The following MYO18B variants were observed in gnomAD, a reference collection of about 807,000 sequenced individuals.
MYO18B encodes myosin XVIIIB.
A neutral mutation model predicts 273.0 loss-of-function variants in MYO18B; 204 were observed. The ratio of observed to expected loss-of-function variants is 0.75; its 90% CI spans 0.67 to 0.84. The LOEUF (loss-of-function observed/expected upper bound fraction) is 0.84. Ranked by LOEUF, MYO18B falls within the 40% of genes least tolerant of loss-of-function variation. The pLI, the probability that MYO18B is intolerant of heterozygous loss-of-function variation, is 0.00. For synonymous variants in MYO18B, 1,330 were observed against 1,305.7 expected, an observed-to-expected ratio of 1.02 and a Z score of -0.40; for missense variants, 3,212 against 3,287.6, an observed-to-expected ratio of 0.98 and a Z score of 0.56.
At chr22:26,052,188 C>G in the MYO18B span, among the ~76,000 whole-genome samples, 1 of 152,124 alleles carries the variant, frequency 6.6e-6, no homozygotes, top group Non-Finnish European at 1.5e-5. Flanking sequence ...CTAAACCTCC[C>G]CAGTGTCTGT....
At chr22:25,926,758 G>C (rs1414352659) in intron 34 of MYO18B, among the ~76,000 whole-genome samples, 2 of 152,180 alleles carry the variant, frequency 1.3e-5, no homozygotes, top group African/African-American at 2.4e-5. Context: ...CCCTTAAGGG[G>C]CTCCTAGTCC....
chr22:25,780,932 C>A (rs774414800), intron 9 of MYO18B, among the ~76,000 whole-genome samples: 1 of 152,204 alleles, frequency 6.6e-6, no homozygotes, highest in Non-Finnish European at 1.5e-5. Flanking sequence ...ATCACCCATA[C>A]TCCTCCCCGT....
intron 39 of MYO18B, among the ~76,000 whole-genome samples, chr22:25,966,297 C>A (rs1326638108): frequency 6.6e-6 from 1 of 152,056 alleles, no homozygotes; most frequent in Non-Finnish European, 1.5e-5. Flanking sequence ...TTTCCACTCC[C>A]AAACCCCATG....
chr22:25,862,753 T>C (rs906621336), intron 21 of MYO18B, among the ~76,000 whole-genome samples: 3 of 152,116 alleles, frequency 2.0e-5, no homozygotes, highest in African/African-American at 7.2e-5. Flanking sequence ...GCTTTCAAGA[T>C]TTTCAATAGT....
intron 18 of MYO18B, among the ~76,000 whole-genome samples, chr22:25,844,131 T>C (rs2090166169): frequency 6.6e-6 from 1 of 152,186 alleles, no homozygotes; most frequent in Non-Finnish European, 1.5e-5. Flanking sequence ...GAACAAAAGC[T>C]AAAAAGCTGT....
At chr22:25,791,394 G>A (rs1406518755) in intron 11 of MYO18B, among the ~76,000 whole-genome samples, 2 of 152,076 alleles carry the variant, frequency 1.3e-5, no homozygotes, top group African/African-American at 4.8e-5. Flanking sequence ...GAGATCCCCA[G>A]TGTGGCGCTG....
At chr22:25,813,549 C>T (rs1228380754) in intron 12 of MYO18B, among the ~76,000 whole-genome samples, 1 of 152,162 alleles carries the variant, frequency 6.6e-6, no homozygotes, top group Non-Finnish European at 1.5e-5. Context: ...GGCAGAGACC[C>T]TTGAACTGAA....
In MYO18B at chr22:25,890,894, C is replaced by G. The variant is rs201514817; in HGVS notation, c.4434+19C>G. On this transcript the variant is annotated intron_variant, in intron 26 of 43. Transcript: ENST00000335473. The stretch of plus-strand genomic sequence containing the variant: ...GCTCAAGGTGAGTGGTCAGGGGTGG[C>G]CAGGGGTGGCTGAACACGGTGGCTA... The G allele has an allele frequency of 6.7e-7, 1 of 1,499,278 alleles. No homozygotes were observed. Among genetic ancestry groups the G allele is most frequent in the Non-Finnish European group, 9.2e-7 (1 of 1,090,932 alleles). The allele number at this position is 1,499,278 out of a possible 1,614,324, so 92.9% of individuals were successfully genotyped here. A position where few individuals can be genotyped will look rare whatever the true frequency, so the allele number is the denominator to read the frequency against.
At chr22:25,930,750 A>G (rs1482395978) in intron 34 of MYO18B, among the ~76,000 whole-genome samples, 2 of 152,100 alleles carry the variant, frequency 1.3e-5, no homozygotes, top group East Asian at 1.9e-4. Context: ...CAGGGACTAC[A>G]GGCCACATCT....
chr22:26,027,390 C>A lies in MYO18B; in HGVS notation c.7416C>A (p.Ser2472Arg). ...KGGQDGSQRS[S>R]IHFETEEANR... is the part of the protein sequence containing the mutation. ...GGCAAGACGGTTCACAGCGTTCAAG[C>A]ATCCACTTTGAAACGGAAGAGGCTA... is the stretch of plus-strand genomic sequence containing the variant. The change falls in exon 43 of 44, where the codon AGC becomes AGA. Residue 2472 changes from serine (S) to arginine (R), a missense_variant. Physicochemically the swap from Ser to Arg is moderately radical, Grantham distance 110. Transcript: ENST00000335473. This position sits in a 1 kb window ranked among gnomAD's most constrained non-coding sequence, Gnocchi z 4.1. The A allele has an allele frequency of 6.2e-7, 1 of 1,613,998 alleles. No individual in the cohort carries two copies. The highest frequency in any genetic ancestry group is 8.5e-7 in the Non-Finnish European group (1 of 1,179,882).
At chr22:25,983,073 AAAT>A (rs770669568) in intron 39 of MYO18B, among the ~76,000 whole-genome samples, 1 of 152,338 alleles carries the variant, frequency 6.6e-6, no homozygotes, top group East Asian at 1.9e-4. Flanking sequence ...GCAGCCTTGA[AAAT>A]AATAATTCTG....
chr22:25,815,052 G>A (rs1304442559), intron 12 of MYO18B, among the ~76,000 whole-genome samples: 1 of 152,190 alleles, frequency 6.6e-6, no homozygotes, highest in African/African-American at 2.4e-5. Context: ...ATGCCTTTTT[G>A]TATGGTTGTT....
chr22:25,944,728 TC>T (rs2092684388), intron 34 of MYO18B, among the ~76,000 whole-genome samples: 1 of 151,478 alleles, frequency 6.6e-6, no homozygotes, highest in South Asian at 2.1e-4. Flanking sequence ...GCGCCTGTAG[TC>T]CCAGCTACTC....
At chr22:25,910,745 C>T (rs190758562) in intron 32 of MYO18B, among the ~76,000 whole-genome samples, 3 of 152,242 alleles carry the variant, frequency 2.0e-5, no homozygotes, top group African/African-American at 4.8e-5. Context: ...ATTGACCAGC[C>T]CTCCCTACTG....
At chr22:25,848,348 A>T (rs1180582481) in intron 20 of MYO18B, among the ~76,000 whole-genome samples, 1 of 152,164 alleles carries the variant, frequency 6.6e-6, no homozygotes, top group Non-Finnish European at 1.5e-5. Context: ...GCTCACAGTG[A>T]TGTAATACCA....
chr22:25,888,401 A>G (rs577544990), intron 25 of MYO18B, among the ~76,000 whole-genome samples: 4 of 152,284 alleles, frequency 2.6e-5, no homozygotes, highest in African/African-American at 9.6e-5. Context: ...AGCTGGGACT[A>G]TAGGCACACA....
intron 12 of MYO18B, among the ~76,000 whole-genome samples, chr22:25,803,861 C>A (rs1470378532): frequency 6.6e-6 from 1 of 151,970 alleles, no homozygotes; most frequent in African/African-American, 2.4e-5. Context: ...GGGTCTGTGT[C>A]CCCAGTCCTC....
rs1467663958 is a variant in MYO18B, at chr22:25,955,265, G to T, written c.6057G>T (p.Glu2019Asp). The T allele has an allele frequency of 6.2e-7, 1 of 1,613,798 alleles. No homozygotes were observed. The highest frequency in any genetic ancestry group is 8.5e-7 in the Non-Finnish European group (1 of 1,179,870). ...QAATSESQQR[E>D]SSQYYQRRLE... ...CCACCTCCGAGTCCCAGCAGCGGGA[G>T]AGCAGCCAGTACTACCAGCGGCGCC... The change falls in exon 39 of 44, where the codon GAG becomes GAT. Residue 2019 changes from glutamate (E) to aspartate (D), a missense_variant. Transcript: ENST00000335473.
chr22:25,861,486 T>A (rs1453104926), intron 21 of MYO18B, among the ~76,000 whole-genome samples: 1 of 152,206 alleles, frequency 6.6e-6, no homozygotes, highest in Non-Finnish European at 1.5e-5. Flanking sequence ...CTATCTTATG[T>A]TTAGTGTTTA....
Sources: allele counts gnomAD v4.1 joint callset (sites outside exome capture counted in the v4.1 genomes callset), GRCh38; gene constraint gnomAD v4.1.1; non-coding constraint Gnocchi (gnomAD v3.1); transcripts MANE v1.5; gene names NCBI Gene and HGNC (gene_info 2026-07-23, HGNC 2026-07-21).